ANKRD36: variants seen among roughly 807,000 people sequenced by gnomAD.
ANKRD36 encodes the protein ankyrin repeat domain 36, also known as ankyrin repeat domain-containing protein 36A.
Under a neutral mutation model 278.1 loss-of-function variants are expected in ANKRD36, and 179 were observed. The ratio of observed to expected loss-of-function variants is 0.64; its 90% CI spans 0.57 to 0.73. The LOEUF (loss-of-function observed/expected upper bound fraction) is 0.73, where lower values mean the gene tolerates loss of function less well. Among genes scored for constraint, ANKRD36 ranks in the 30% least tolerant of loss-of-function variants. The pLI is 0.00. For synonymous variants in ANKRD36, 320 were observed against 641.1 expected (o/e 0.50, Z 7.57); for missense variants, 1,159 against 1,956.7 (o/e 0.59, Z 7.69).
rs1425762160 is a variant in ANKRD36 at position 97,209,297 on chromosome 2, T to C, written c.3266-384T>C. ...AGTATAATGGTGTAAATCCTTTTGA[T>C]TTGTTGCATGAAAGACATATGGGAT... On this transcript the variant is annotated intron_variant, in intron 54 of 75. Coordinates refer to ENST00000420699, the MANE Select transcript of ANKRD36 (RefSeq NM_001354587.1). Among the ~76,000 whole-genome samples the C allele has an allele frequency of 1.7e-4, 25 of 146,552 alleles. 1 individual carries two copies. Among genetic ancestry groups the C allele is most frequent in the African/African-American group, 3.7e-4 (14 of 37,672 alleles).
intron 4 of ANKRD36, among the ~76,000 whole-genome samples, chr2:97,124,172 C>T (rs2037873320): frequency 2.6e-5 from 4 of 151,770 alleles, no homozygotes; most frequent in Non-Finnish European, 5.9e-5. Context: ...AATTTGCCTA[C>T]TGTAGATAGG....
chr2:97,194,167 C>G (rs148820204), intron 38 of ANKRD36, among the ~76,000 whole-genome samples: 191 of 151,700 alleles, frequency 1.3e-3, no homozygotes, highest in African/African-American at 4.1e-3. Context: ...TGAATATTAT[C>G]TACTAGGTAT....
At chr2:97,172,453 G>A (rs2052861655) in intron 22 of ANKRD36, among the ~76,000 whole-genome samples, 1 of 151,578 alleles carries the variant, frequency 6.6e-6, no homozygotes, top group South Asian at 2.1e-4. Context: ...TTATGTGGTT[G>A]CTTTTATTGA....
chr2:97,220,627 T>C (rs2067156108), intron 66 of ANKRD36, among the ~76,000 whole-genome samples: 1 of 151,736 alleles, frequency 6.6e-6, no homozygotes, highest in South Asian at 2.1e-4. Context: ...CCCATTTTTC[T>C]GTTGATGTAC....
At chr2:97,154,874 G>A (rs2047068214) in intron 15 of ANKRD36, 133 bp downstream of exon 15, 3 of 735,508 alleles carry the variant, frequency 4.1e-6, no homozygotes, top group African/African-American at 1.8e-5. Flanking sequence ...TTTTATTAGA[G>A]ATAACCATTT....
At chr2:97,262,792 C>T (rs1432023793) in intron 75 of ANKRD36, among the ~76,000 whole-genome samples, 2 of 130,874 alleles carry the variant, frequency 1.5e-5, no homozygotes. Context: ...TCTTCTACCT[C>T]TCTAGCCATG....
intron 54 of ANKRD36, among the ~76,000 whole-genome samples, chr2:97,208,928 T>C (rs2063609713): frequency 6.8e-6 from 1 of 146,774 alleles, no homozygotes. Context: ...AGCTGATTAA[T>C]ATCTAATGCT....
chr2:97,129,532 G>A (rs372965526), intron 6 of ANKRD36, among the ~76,000 whole-genome samples: 3,454 of 151,990 alleles, frequency 0.023, 113 homozygotes, highest in African/African-American at 0.072. Flanking sequence ...TGTTTTAGAC[G>A]TGAAGTCCTT....
At chr2:97,159,753 A>T (rs1336961397) in intron 17 of ANKRD36, among the ~76,000 whole-genome samples, 16 of 151,136 alleles carry the variant, frequency 1.1e-4, no homozygotes, top group Admixed American at 2.0e-4. Context: ...AAAATTAATT[A>T]ATACATAAAT....
intron 67 of ANKRD36, among the ~76,000 whole-genome samples, chr2:97,228,761 C>G (rs1233438900): frequency 1.3e-5 from 2 of 151,556 alleles, no homozygotes; most frequent in Non-Finnish European, 1.5e-5. Context: ...CCTGCTTTCT[C>G]TTGTGGGCAT....
At chr2:97,160,494 G>T (rs2048599207) in intron 17 of ANKRD36, among the ~76,000 whole-genome samples, 1 of 152,036 alleles carries the variant, frequency 6.6e-6, no homozygotes, top group South Asian at 2.1e-4. Context: ...GAATCCTTTT[G>T]ACTTGATGTT....
Position 97,193,513 on chromosome 2 carries a change from G to C in ANKRD36, c.2449+460G>C, listed in dbSNP as rs1455556706. Among the ~76,000 whole-genome samples the C allele has an allele frequency of 1.6e-5, 2 of 127,646 alleles. 1 individual carries two copies. Among genetic ancestry groups the C allele is most frequent in the Non-Finnish European group, 3.7e-5 (2 of 54,588 alleles). The allele number at this position is 127,646 out of a possible 152,430, so 83.7% of individuals were successfully genotyped here. Reference sequence around the variant, plus strand: ...ACTATTTTCCTAAGGAAGACGGATTGTGAGGCAGGAAGGTGTGAAAAGAAG... The same window carrying C: ...ACTATTTTCCTAAGGAAGACGGATTCTGAGGCAGGAAGGTGTGAAAAGAAG... On this transcript the variant is annotated intron_variant, in intron 38 of 75. Coordinates refer to ENST00000420699, the MANE Select transcript of ANKRD36 (RefSeq NM_001354587.1).
chr2:97,202,725 T>C (rs1182116865), intron 48 of ANKRD36, among the ~76,000 whole-genome samples: 2 of 151,804 alleles, frequency 1.3e-5, no homozygotes, highest in Non-Finnish European at 2.9e-5. Flanking sequence ...AGAGGAAGTA[T>C]CGATTTTACA....
Position 97,180,691 on chromosome 2 carries a change from G to A in ANKRD36, c.1735+758G>A, listed in dbSNP as rs182312579. On this transcript the variant is annotated intron_variant, in intron 24 of 75. Transcript: ENST00000420699. Reference sequence around the variant, plus strand: ...TGAATACATTGGCTTCCTTGTTCAAGGAGCTAACTCTTGGATAAAATAGGT... The same window carrying A: ...TGAATACATTGGCTTCCTTGTTCAAAGAGCTAACTCTTGGATAAAATAGGT... Among the ~76,000 whole-genome samples, 689 of 151,664 alleles carry A rather than the reference G, an allele frequency of 4.5e-3. 6 individuals carry two copies. Among genetic ancestry groups the A allele is most frequent in the African/African-American group, 0.016 (653 of 41,456 alleles).
chr2:97,173,638 G>A (rs1235566175), intron 22 of ANKRD36, among the ~76,000 whole-genome samples: 5 of 151,792 alleles, frequency 3.3e-5, no homozygotes, highest in Non-Finnish European at 5.9e-5. Flanking sequence ...CACCAATATG[G>A]ATGTTAGATT....
In ANKRD36 at chr2:97,198,353, G is replaced by A. The variant is rs548002653; in HGVS notation, c.2654-110G>A. The A allele has an allele frequency of 5.5e-5, 85 of 1,538,016 alleles. No homozygotes were observed. In the Middle Eastern group the frequency reaches 7.0e-4, roughly 13 times the overall value. On this transcript the variant is annotated intron_variant, in intron 42 of 75. Transcript: ENST00000420699. ...GACACAAAGTAGAAGCCATCAAAGC[G>A]TACACTAATACAGGCAGGAGGACAG...
At chr2:97,169,530 G>A in intron 22 of ANKRD36, among the ~76,000 whole-genome samples, 1 of 152,290 alleles carries the variant, frequency 6.6e-6, no homozygotes, top group African/African-American at 2.4e-5. Context: ...GTATATTTAG[G>A]AAACCAAATT....
At chr2:97,231,114 G>T (rs1159654961) in intron 67 of ANKRD36, among the ~76,000 whole-genome samples, 1 of 152,122 alleles carries the variant, frequency 6.6e-6, no homozygotes, top group African/African-American at 2.4e-5. Flanking sequence ...TGAGGAGGCA[G>T]TCTGCCCATT....
At chr2:97,221,417 C>A (rs1404800976) in intron 66 of ANKRD36, among the ~76,000 whole-genome samples, 1 of 95,564 alleles carries the variant, frequency 1.0e-5, no homozygotes, top group Non-Finnish European at 1.9e-5. Flanking sequence ...GTTCCTATTT[C>A]TCCACATCCT....
Sources: allele counts gnomAD v4.1 joint callset (sites outside exome capture counted in the v4.1 genomes callset), GRCh38; gene constraint gnomAD v4.1.1; transcripts MANE v1.5; gene names NCBI Gene and HGNC (gene_info 2026-07-23, HGNC 2026-07-21).